Variants in SLC35F1 observed in about 807,000 individuals in gnomAD.
SLC35F1 encodes solute carrier family 35 member F1, also known as chromosome 6 open reading frame 169.
A neutral mutation model predicts 48.7 loss-of-function variants in SLC35F1; 14 were observed. That is an observed-to-expected ratio of 0.29 (90% CI 0.19 to 0.45). The LOEUF is 0.45. Ranked by LOEUF, SLC35F1 falls within the 20% of genes least tolerant of loss-of-function variation. The pLI is 1.00. For synonymous variants in SLC35F1, 190 were observed against 202.2 expected (o/e 0.94, Z 0.51); for missense variants, 404 against 500.0 (o/e 0.81, Z 1.83).
intron 1 of SLC35F1, among the ~76,000 whole-genome samples, chr6:118,128,080 T>G (rs1183874966): frequency 1.6e-4 from 24 of 147,406 alleles, no homozygotes; most frequent in Non-Finnish European, 3.3e-4. Flanking sequence ...TCACTGGCCA[T>G]CAGAGAAATG....
At chr6:118,248,240 AT>A (rs1468751592) in intron 3 of SLC35F1, among the ~76,000 whole-genome samples, 6 of 152,180 alleles carry the variant, frequency 3.9e-5, no homozygotes, top group Admixed American at 6.5e-5. Context: ...ACTTTCCATT[AT>A]TTTCAAGGCA....
At chr6:118,198,539 A>T (rs1016823337) in intron 2 of SLC35F1, among the ~76,000 whole-genome samples, 4 of 152,240 alleles carry the variant, frequency 2.6e-5, no homozygotes, top group South Asian at 2.1e-4. Flanking sequence ...TGCAATTTTT[A>T]AAAAATAAAA....
At chr6:118,246,442 A>G (rs2356078) in intron 3 of SLC35F1, among the ~76,000 whole-genome samples, 148,273 of 152,282 alleles carry the variant, frequency 0.97, 72,240 homozygotes, top group Middle Eastern at 0.99. Context: ...AGTGTGAAAT[A>G]TAGTAAAATG....
intron 1 of SLC35F1, among the ~76,000 whole-genome samples, chr6:117,964,274 A>G (rs1384269886): frequency 6.6e-6 from 1 of 152,196 alleles, no homozygotes; most frequent in Non-Finnish European, 1.5e-5. Flanking sequence ...CTCTTTGCCC[A>G]GCCTTCACAA....
At chr6:118,039,799 G>GATTTTTTT (rs1772185182) in intron 1 of SLC35F1, among the ~76,000 whole-genome samples, 1 of 106,856 alleles carries the variant, frequency 9.4e-6, no homozygotes, top group African/African-American at 3.2e-5. Context: ...TCTCAGGATT[G>GATTTTTTT]TTTTTTTTGT....
chr6:118,314,018 G>GT lies in SLC35F1; in HGVS notation c.1003-3dup, dbSNP rs775321358. 5.6e-6 allele frequency: 9 copies of GT among 1,613,806 alleles called. No homozygotes were observed. Among genetic ancestry groups the GT allele is most frequent in the South Asian group, 4.4e-5 (4 of 91,066 alleles). Reference sequence around the variant, plus strand: ...GGCTGTCAAATGACTTTACTGTTGTGTTTTTTTAGTTTTCAGGACTTTATC... The same window carrying GT: ...GGCTGTCAAATGACTTTACTGTTGTGTTTTTTTTAGTTTTCAGGACTTTATC... On this transcript the variant is annotated splice_polypyrimidine_tract_variant and intron_variant, in intron 7 of 7. Transcript: ENST00000360388.
chr6:118,302,467 C>T (rs1431177102), intron 7 of SLC35F1, among the ~76,000 whole-genome samples: 1 of 152,162 alleles, frequency 6.6e-6, no homozygotes, highest in Admixed American at 6.5e-5. Context: ...AATTTTACAA[C>T]AAAGAAGTCC....
At chr6:118,211,777 T>C (rs1263585901) in intron 2 of SLC35F1, among the ~76,000 whole-genome samples, 1 of 152,206 alleles carries the variant, frequency 6.6e-6, no homozygotes, top group Admixed American at 6.5e-5. Context: ...TAGCCAGAAT[T>C]GTACAGTGCT....
chr6:118,196,227 C>G (rs1176306175), intron 2 of SLC35F1, among the ~76,000 whole-genome samples: 2 of 152,158 alleles, frequency 1.3e-5, no homozygotes, highest in Non-Finnish European at 2.9e-5. Context: ...TGGGATTGGC[C>G]AAGACTCAGC....
Position 118,027,862 on chromosome 6 carries a change from C to T in SLC35F1, c.173+119963C>T, listed in dbSNP as rs115927010. 4.1e-3 allele frequency among the ~76,000 whole-genome samples: 618 copies of T among 152,124 alleles called. 6 individuals are homozygous for T. The highest frequency in any genetic ancestry group is 0.014 in the African/African-American group (585 of 41,518). ...GTTCACACTTTTTGAGAGACAAGATCGGGCATGTTCAGGGTGGTATGGCAG... is the reference window on the plus strand; with the variant it reads ...GTTCACACTTTTTGAGAGACAAGATTGGGCATGTTCAGGGTGGTATGGCAG... On this transcript the variant is annotated intron_variant, in intron 1 of 7. Coordinates refer to ENST00000360388, the MANE Select transcript of SLC35F1 (RefSeq NM_001029858.4).
At chr6:117,961,601 C>G (rs1030246388) in intron 1 of SLC35F1, among the ~76,000 whole-genome samples, 2 of 152,194 alleles carry the variant, frequency 1.3e-5, no homozygotes, top group Non-Finnish European at 2.9e-5. Flanking sequence ...ACATAAAGCA[C>G]AGATACACAG....
chr6:118,139,800 A>T (rs1773855894), intron 1 of SLC35F1, among the ~76,000 whole-genome samples: 1 of 152,168 alleles, frequency 6.6e-6, no homozygotes. Context: ...CGAAGCTGTT[A>T]TCCTTAGCAT....
chr6:118,277,529 C>A lies in SLC35F1; in HGVS notation c.830C>A (p.Pro277His). The change falls in exon 6 of 8, where the codon CCC (proline) becomes CAC (histidine). Residue 277 changes from proline (P) to histidine (H), a missense_variant. Pro to His is a moderately conservative substitution (Grantham distance 77). This residue lies in a region of SLC35F1 where 306 missense variants were observed against 419.1 expected (regional missense o/e 0.73). Transcript: ENST00000360388. ...GAGCATAAGGAACTGTTGAAGGTGC[C>A]CTGGGACTGGCAAATAGGTAAGGAG... ...IMEHKELLKV[P>H]WDWQIGLLYV... 1.2e-6 allele frequency: 2 copies of A among 1,613,934 alleles called. No homozygotes were observed. Among genetic ancestry groups the A allele is most frequent in the Non-Finnish European group, 1.7e-6 (2 of 1,179,898 alleles).
intron 1 of SLC35F1, among the ~76,000 whole-genome samples, chr6:118,045,009 G>A (rs779221151): frequency 4.6e-5 from 7 of 152,106 alleles, no homozygotes; most frequent in Non-Finnish European, 7.4e-5. Context: ...TATTTTAAAC[G>A]CTTCCAAATG....
chr6:118,173,701 CA>C (rs2114499505), intron 2 of SLC35F1, among the ~76,000 whole-genome samples: 1 of 152,274 alleles, frequency 6.6e-6, no homozygotes, highest in South Asian at 2.1e-4. Context: ...ACCAGACTTT[CA>C]GCTGCCAAGC....
chr6:118,127,912 C>T (rs1315023759), intron 1 of SLC35F1, among the ~76,000 whole-genome samples: 3 of 152,078 alleles, frequency 2.0e-5, no homozygotes, highest in African/African-American at 7.2e-5. Context: ...ACCTACTCAT[C>T]GGACAAAGGG....
intron 1 of SLC35F1, among the ~76,000 whole-genome samples, chr6:118,008,493 C>T (rs1449996941): frequency 6.6e-6 from 1 of 152,126 alleles, no homozygotes; most frequent in African/African-American, 2.4e-5. Context: ...AGAAGCTGGA[C>T]TCTGAGGAAG....
chr6:117,946,211 G>A (rs909149995), intron 1 of SLC35F1, among the ~76,000 whole-genome samples: 11 of 152,064 alleles, frequency 7.2e-5, no homozygotes, highest in African/African-American at 2.7e-4. Flanking sequence ...GTTTGAGTAG[G>A]AGAAGAGTAG....
At chr6:118,158,589 T>G (rs1394384967) in intron 2 of SLC35F1, among the ~76,000 whole-genome samples, 16 of 152,208 alleles carry the variant, frequency 1.1e-4, no homozygotes, top group Admixed American at 1.0e-3. Context: ...ATTGTCACAT[T>G]TAAAACAATG....
Sources: gnomAD v4.1 joint callset for allele counts (sites outside exome capture counted in the v4.1 genomes callset) on GRCh38, gnomAD v4.1.1 for gene constraint, gnomAD v4.1.1 regional missense constraint, MANE v1.5 for transcripts, NCBI Gene and HGNC (gene_info 2026-07-23, HGNC 2026-07-21) for gene names.